The following CADPS variants were observed in gnomAD, a reference collection of about 807,000 sequenced individuals.
CADPS encodes calcium-dependent secretion activator 1.
In CADPS, 57 loss-of-function variants were observed where a neutral mutation model predicts 167.3. That is an observed-to-expected ratio of 0.34 (90% CI 0.28 to 0.42). The LOEUF (loss-of-function observed/expected upper bound fraction) is 0.42, where lower values mean the gene tolerates loss of function less well. Among genes scored for constraint, CADPS ranks in the 20% least tolerant of loss-of-function variants. The pLI, the probability that CADPS is intolerant of heterozygous loss-of-function variation, is 1.00. For missense variants in CADPS, 1,414 were observed against 1,738.1 expected, an observed-to-expected ratio of 0.81 and a Z score of 3.32; for synonymous variants, 676 against 635.3, an observed-to-expected ratio of 1.06 and a Z score of -0.96.
At chr3:62,449,957 C>T (rs559815731) in intron 26 of CADPS, among the ~76,000 whole-genome samples, 1 of 152,118 alleles carries the variant, frequency 6.6e-6, no homozygotes, top group African/African-American at 2.4e-5. Flanking sequence ...TCTGAGCTTC[C>T]TTTGTAAATG....
chr3:62,823,579 T>G (rs2073426486), intron 1 of CADPS, among the ~76,000 whole-genome samples: 1 of 152,294 alleles, frequency 6.6e-6, no homozygotes, highest in African/African-American at 2.4e-5. Flanking sequence ...GGGGGAAAGA[T>G]CAATGCGTAT....
At chr3:62,841,014 T>C (rs2076576005) in intron 1 of CADPS, among the ~76,000 whole-genome samples, 1 of 152,222 alleles carries the variant, frequency 6.6e-6, no homozygotes, top group African/African-American at 2.4e-5. Flanking sequence ...TATTCATTCA[T>C]CTAAAAGTCC....
At chr3:62,688,447 T>A (rs1244680289) in intron 3 of CADPS, among the ~76,000 whole-genome samples, 1 of 152,018 alleles carries the variant, frequency 6.6e-6, no homozygotes, top group African/African-American at 2.4e-5. Context: ...GTTGTTACTG[T>A]TTTGCTATTA....
intron 28 of CADPS, among the ~76,000 whole-genome samples, chr3:62,436,618 CT>C (rs2055114853): frequency 6.6e-6 from 1 of 152,162 alleles, no homozygotes; most frequent in Non-Finnish European, 1.5e-5. Flanking sequence ...CGCTGGTGAG[CT>C]TTATGCATGT....
intron 21 of CADPS, among the ~76,000 whole-genome samples, chr3:62,490,986 A>T (rs2151066705): frequency 6.6e-6 from 1 of 152,314 alleles, no homozygotes; most frequent in African/African-American, 2.4e-5. Flanking sequence ...AACCCCACCG[A>T]ACACACTTTG....
chr3:62,561,891 T>C (rs779443706), intron 9 of CADPS, among the ~76,000 whole-genome samples: 1 of 152,234 alleles, frequency 6.6e-6, no homozygotes. Flanking sequence ...AAAATTCATA[T>C]ACATAATTTA....
chr3:62,538,477 A>G (rs2075139671), intron 11 of CADPS, among the ~76,000 whole-genome samples: 1 of 152,088 alleles, frequency 6.6e-6, no homozygotes, highest in African/African-American at 2.4e-5. Flanking sequence ...AGGAGAAACT[A>G]AGCATGGGGT....
At chr3:62,460,251 T>C (rs1178199350) in intron 26 of CADPS, among the ~76,000 whole-genome samples, 1 of 152,194 alleles carries the variant, frequency 6.6e-6, no homozygotes, top group East Asian at 1.9e-4. Flanking sequence ...CGGCACATAG[T>C]ATGTGTTCAA....
chr3:62,629,862 C>T (rs977952166), intron 6 of CADPS, among the ~76,000 whole-genome samples: 12 of 150,942 alleles, frequency 8.0e-5, no homozygotes, highest in African/African-American at 2.2e-4. Flanking sequence ...CTTGACTGTT[C>T]TTCCACTTGA....
intron 3 of CADPS, among the ~76,000 whole-genome samples, chr3:62,743,920 C>T (rs111244122): frequency 0.016 from 2,446 of 152,256 alleles, 64 homozygotes; most frequent in African/African-American, 0.056. Flanking sequence ...ATATCTACCA[C>T]CTTCCTAGAG....
At chr3:62,411,984 A>G (rs545363557) in intron 28 of CADPS, among the ~76,000 whole-genome samples, 5 of 152,326 alleles carry the variant, frequency 3.3e-5, no homozygotes, top group African/African-American at 1.2e-4. Context: ...GGTATTTCCC[A>G]GTCACAGCTT....
chr3:62,707,020 A>C (rs1031228656), intron 3 of CADPS, among the ~76,000 whole-genome samples: 4 of 152,088 alleles, frequency 2.6e-5, no homozygotes, highest in African/African-American at 9.7e-5. Context: ...TCTCCAAGTA[A>C]AGTTATATTC....
chr3:62,720,836 G>C (rs914973934), intron 3 of CADPS, among the ~76,000 whole-genome samples: 1 of 90,436 alleles, frequency 1.1e-5, no homozygotes, highest in African/African-American at 4.1e-5. Flanking sequence ...TTTTCTTTTT[G>C]AGGCAGAGTC....
chr3:62,846,937 G>C (rs1469158328), intron 1 of CADPS, among the ~76,000 whole-genome samples: 3 of 152,078 alleles, frequency 2.0e-5, no homozygotes, highest in South Asian at 4.1e-4. Flanking sequence ...CAAAGTGCTG[G>C]GATTACAGGC....
intron 1 of CADPS, among the ~76,000 whole-genome samples, chr3:62,783,844 ACATGTATAG>A (rs1463211814): frequency 6.8e-6 from 1 of 146,442 alleles, no homozygotes; most frequent in Non-Finnish European, 1.5e-5. Context: ...GTGGAGAAAC[ACATGTATAG>A]CATGGTATTA....
At chr3:62,589,338 T>A (rs1369734845) in intron 7 of CADPS, among the ~76,000 whole-genome samples, 2 of 152,192 alleles carry the variant, frequency 1.3e-5, no homozygotes, top group Admixed American at 6.5e-5. Flanking sequence ...TCCGCTGCAA[T>A]TGGCAGAAAG....
At chr3:62,404,325 C>T (rs1707561669) in intron 28 of CADPS, 1 of 152,592 alleles carries the variant, frequency 6.6e-6, no homozygotes, top group Non-Finnish European at 1.5e-5. Context: ...ACACATCGCA[C>T]ACCAGTGGGG....
chr3:62,718,810 T>C (rs1434773275), intron 3 of CADPS, among the ~76,000 whole-genome samples: 3 of 152,226 alleles, frequency 2.0e-5, no homozygotes, highest in Non-Finnish European at 4.4e-5. Context: ...TGCGTGGATA[T>C]CACATTTCCT....
At chr3:62,635,705 G>A (rs1391572401) in intron 6 of CADPS, among the ~76,000 whole-genome samples, 7 of 147,682 alleles carry the variant, frequency 4.7e-5, no homozygotes, top group Non-Finnish European at 8.9e-5. Context: ...GTTCTTTTAG[G>A]TATGGAGCCT....
Sources: allele counts gnomAD v4.1 joint callset (sites outside exome capture counted in the v4.1 genomes callset), GRCh38; gene constraint gnomAD v4.1.1; transcripts MANE v1.5; gene names NCBI Gene and HGNC (gene_info 2026-07-23, HGNC 2026-07-21).